Variants in SRC observed in about 807,000 individuals in gnomAD.
The protein encoded by SRC is proto-oncogene tyrosine-protein kinase Src.
A neutral mutation model predicts 62.9 loss-of-function variants in SRC; 13 were observed. The observed-to-expected ratio is 0.21, with a 90% CI of 0.13 to 0.33. The LOEUF is 0.33. Ranked by LOEUF, SRC falls within the 10% of genes least tolerant of loss-of-function variation. The pLI, the probability that SRC is intolerant of heterozygous loss-of-function variation, is 1.00. For missense variants in SRC, 457 were observed against 737.3 expected, an observed-to-expected ratio of 0.62 and a Z score of 4.40; for synonymous variants, 302 against 317.5, an observed-to-expected ratio of 0.95 and a Z score of 0.52.
rs1027974601 is a variant in SRC at position 37,360,474 on chromosome 20, G to A, written c.-246-4730G>A. On this transcript the variant is annotated intron_variant, in intron 1 of 13. Coordinates refer to ENST00000373578, the MANE Select transcript of SRC (RefSeq NM_198291.3). ...TCCTGAGTCAATTCCTGACTCAAGTGATCCTCCTGCCTCTGCCTCCCAAAG... is the reference window on the plus strand; with the variant it reads ...TCCTGAGTCAATTCCTGACTCAAGTAATCCTCCTGCCTCTGCCTCCCAAAG... Among the ~76,000 whole-genome samples the A allele has an allele frequency of 7.9e-5, 12 of 152,060 alleles. 1 individual carries two copies. Among genetic ancestry groups the A allele is most frequent in the African/African-American group, 2.4e-4 (10 of 41,380 alleles).
At position 37,400,164 on chromosome 20, in the gene SRC, C is replaced by A; in HGVS notation, c.909C>A (p.Gly303=). 6.2e-7 allele frequency: 1 copy of A among 1,613,498 alleles called. No homozygotes were observed. The highest frequency in any genetic ancestry group is 8.5e-7 in the Non-Finnish European group (1 of 1,179,758). Reference sequence around the variant, plus strand: ...TGGCCATCAAAACCCTGAAGCCTGGCACGATGTCTCCAGAGGCCTTCCTGC... The same window carrying A: ...TGGCCATCAAAACCCTGAAGCCTGGAACGATGTCTCCAGAGGCCTTCCTGC... ...TRVAIKTLKP[G]TMSPEAFLQE... Residue 303 remains glycine (G), a synonymous_variant, in exon 10 of 14, where the codon GGC becomes GGA. Transcript: ENST00000373578.
At chr20:37,349,640 G>T (rs1003665791) in intron 1 of SRC, among the ~76,000 whole-genome samples, 3 of 152,178 alleles carry the variant, frequency 2.0e-5, no homozygotes, top group African/African-American at 7.2e-5. Flanking sequence ...CAGGTCACTC[G>T]GCCTCTCTGG....
At position 37,405,159 on chromosome 20, in the gene SRC, T is replaced by G. The variant is rs1259679408; in HGVS notation, c.*1780T>G. ...CCATTCCAGTCAAATCTGGGCTCAC[T>G]CACCCCAGCGAGCTCTCAAATCCCT... On this transcript the variant is annotated 3_prime_UTR_variant, in exon 14 of 14. Coordinates refer to ENST00000373578, the MANE Select transcript of SRC (RefSeq NM_198291.3). The G allele has an allele frequency of 8.6e-6, 2 of 232,070 alleles. No homozygotes were observed. The highest frequency in any genetic ancestry group is 5.6e-5 in the Admixed American group (1 of 17,704). 14.4% of individuals were successfully genotyped at this position (232,070 alleles called of 1,614,324 possible).
intron 2 of SRC, among the ~76,000 whole-genome samples, chr20:37,373,602 G>A (rs779343691): frequency 3.3e-5 from 5 of 152,070 alleles, no homozygotes; most frequent in Non-Finnish European, 4.4e-5. Flanking sequence ...AAGCCACCAC[G>A]CCCAGCTCTT....
chr20:37,365,587 G>A (rs796896686), intron 2 of SRC, among the ~76,000 whole-genome samples: 1 of 151,992 alleles, frequency 6.6e-6, no homozygotes, highest in Non-Finnish European at 1.5e-5. Flanking sequence ...TATTTGCAAA[G>A]AATTTTTTTT....
intron 1 of SRC, among the ~76,000 whole-genome samples, chr20:37,363,889 T>C (rs1428772892): frequency 6.6e-6 from 1 of 152,178 alleles, no homozygotes; most frequent in Non-Finnish European, 1.5e-5. Context: ...TTTCCTCATC[T>C]GTGCGATGGT....
At chr20:37,394,839 G>T (rs576418687) in intron 7 of SRC, among the ~76,000 whole-genome samples, 13 of 152,298 alleles carry the variant, frequency 8.5e-5, no homozygotes, top group Admixed American at 2.6e-4. Context: ...GGGAAGCAGA[G>T]CATCCATGTC....
Position 37,403,115 on chromosome 20 carries a change from C to T in SRC, c.1403-56C>T. The T allele has an allele frequency of 6.8e-7, 1 of 1,478,068 alleles. No homozygotes were observed. 91.6% of individuals were successfully genotyped at this position (1,478,068 alleles called of 1,614,324 possible). A position where few individuals can be genotyped will look rare whatever the true frequency, so the allele number is the denominator to read the frequency against. On this transcript the variant is annotated intron_variant, in intron 13 of 13. Coordinates refer to ENST00000373578, the MANE Select transcript of SRC (RefSeq NM_198291.3). The surrounding 1 kb of genome is among the most constrained non-coding windows in gnomAD (Gnocchi z 7.1). ...CCTCGCTGCCCTCCCCATCAGCTTC[C>T]CCCACCCCACTTTCCTCACCGGAGC...
intron 1 of SRC, among the ~76,000 whole-genome samples, chr20:37,361,037 G>A (rs555409410): frequency 6.6e-6 from 1 of 152,032 alleles, no homozygotes; most frequent in Non-Finnish European, 1.5e-5. Context: ...CTCAGCTTGT[G>A]GGGGGGCAGG....
Position 37,396,521 on chromosome 20 carries a change from C to T in SRC, c.703+210C>T, listed in dbSNP as rs1601014851. 1.7e-5 allele frequency: 11 copies of T among 647,456 alleles called. No individual in the cohort carries two copies. In the East Asian group the frequency reaches 2.8e-4, roughly 16 times the overall value. 40.1% of individuals were successfully genotyped at this position (647,456 alleles called of 1,614,324 possible). A position where few individuals can be genotyped will look rare whatever the true frequency, so the allele number is the denominator to read the frequency against. Reference sequence around the variant, plus strand: ...TTCTTTCCCCCAGCCCCCCTCCTCCCTGTCCCCCTCTCTCCCTGCTCCACG... The same window carrying T: ...TTCTTTCCCCCAGCCCCCCTCCTCCTTGTCCCCCTCTCTCCCTGCTCCACG... On this transcript the variant is annotated intron_variant, in intron 8 of 13. Coordinates refer to ENST00000373578, the MANE Select transcript of SRC (RefSeq NM_198291.3). This position sits in a 1 kb window ranked among gnomAD's most constrained non-coding sequence, Gnocchi z 6.1.
chr20:37,364,154 G>A (rs574981323), intron 1 of SRC, among the ~76,000 whole-genome samples: 1 of 152,290 alleles, frequency 6.6e-6, no homozygotes, highest in South Asian at 2.1e-4. Flanking sequence ...GAGAGGATGC[G>A]ATCACTGATA....
chr20:37,358,105 T>C (rs1172767872), intron 1 of SRC, among the ~76,000 whole-genome samples: 1 of 152,134 alleles, frequency 6.6e-6, no homozygotes, highest in Non-Finnish European at 1.5e-5. Context: ...TGCTCTGTAT[T>C]AGCCAGCCTG....
intron 5 of SRC, among the ~76,000 whole-genome samples, chr20:37,389,309 C>T (rs1220369653): frequency 6.6e-6 from 1 of 152,196 alleles, no homozygotes; most frequent in Admixed American, 6.5e-5. Flanking sequence ...CTTCCTCCCA[C>T]CCAAATTCCA....
intron 1 of SRC, among the ~76,000 whole-genome samples, chr20:37,347,756 T>C (rs2069744102): frequency 6.6e-6 from 1 of 152,196 alleles, no homozygotes; most frequent in Non-Finnish European, 1.5e-5. Flanking sequence ...CTCTTGTTTA[T>C]CTTCATTTTG....
At position 37,402,399 on chromosome 20, in the gene SRC, G is replaced by A. The variant is rs1167249540; in HGVS notation, c.1117-36G>A. The A allele has an allele frequency of 1.2e-6, 2 of 1,601,774 alleles. No individual in the cohort carries two copies. Among genetic ancestry groups the A allele is most frequent in the Non-Finnish European group, 8.5e-7 (1 of 1,172,990 alleles). On this transcript the variant is annotated intron_variant, in intron 11 of 13. Coordinates refer to ENST00000373578, the MANE Select transcript of SRC (RefSeq NM_198291.3). The surrounding 1 kb of genome is among the most constrained non-coding windows in gnomAD (Gnocchi z 6.2). ...TCTGTGGCCCTGGGAGGGCATGGGT[G>A]GCACCTGAGCCAGGCTCCCACGGTT...
intron 1 of SRC, among the ~76,000 whole-genome samples, chr20:37,347,934 G>A (rs1478048437): frequency 1.3e-5 from 2 of 152,250 alleles, no homozygotes; most frequent in African/African-American, 4.8e-5. Context: ...ACACAGCAGT[G>A]TCGGAAAAGA....
intron 2 of SRC, among the ~76,000 whole-genome samples, chr20:37,375,261 T>C (rs2070258946): frequency 6.6e-6 from 1 of 150,652 alleles, no homozygotes; most frequent in African/African-American, 2.5e-5. Flanking sequence ...AGACAGAGTC[T>C]CACTCTGTTG....
rs1448182746 is a variant in SRC at position 37,346,177 on chromosome 20, T to TGCCCGTCCCGCTGGACGTCCCGCGGTCC, written c.-320_-293dup. 8 of 151,764 alleles carry TGCCCGTCCCGCTGGACGTCCCGCGGTCC rather than the reference T, an allele frequency of 5.3e-5. No homozygotes were observed. The highest frequency in any genetic ancestry group is 1.7e-4 in the African/African-American group (7 of 41,184). 9.4% of individuals were successfully genotyped at this position (151,764 alleles called of 1,614,324 possible). ...GAGCCGGAGCGGCCAGGCCGCCGTC[T>TGCCCGTCCCGCTGGACGTCCCGCGGTCC]GCCCGTCCCGCTGGACGTCCCGCGG... On this transcript the variant is annotated 5_prime_UTR_variant, in exon 1 of 14. Transcript: ENST00000373578.
Position 37,386,192 on chromosome 20 carries a change from T to G in SRC, c.350+18T>G. ...AACAACACGTGAGTGCCCCCTTCCCTATTGCCCCTCAGGGCTGGGTGGTGG... is the reference window on the plus strand; with the variant it reads ...AACAACACGTGAGTGCCCCCTTCCCGATTGCCCCTCAGGGCTGGGTGGTGG... On this transcript the variant is annotated intron_variant, in intron 5 of 13. Coordinates refer to ENST00000373578, the MANE Select transcript of SRC (RefSeq NM_198291.3). 6.2e-7 allele frequency: 1 copy of G among 1,611,774 alleles called. No individual in the cohort carries two copies. Among genetic ancestry groups the G allele is most frequent in the Non-Finnish European group, 8.5e-7 (1 of 1,177,920 alleles).
Sources: allele counts gnomAD v4.1 joint callset (sites outside exome capture counted in the v4.1 genomes callset), GRCh38; gene constraint gnomAD v4.1.1; non-coding constraint Gnocchi (gnomAD v3.1); transcripts MANE v1.5; gene names NCBI Gene and HGNC (gene_info 2026-07-23, HGNC 2026-07-21).